Variants in MROH6 observed in about 807,000 individuals in gnomAD.
MROH6 encodes maestro heat like repeat family member 6.
A neutral mutation model predicts 67.7 loss-of-function variants in MROH6; 62 were observed. The ratio of observed to expected loss-of-function variants is 0.92; its 90% CI spans 0.75 to 1.13. The LOEUF is 1.13. Ranked by LOEUF, MROH6 falls within the 50% of genes most tolerant of loss-of-function variation. MROH6 has a pLI of 0.00. For missense variants in MROH6, 1,175 were observed against 1,029.1 expected (o/e 1.14, Z -1.94); for synonymous variants, 566 against 470.8 (o/e 1.20, Z -2.62).
chr8:143,567,992 G>T, intron 11 of MROH6, 104 bp from the exon 12 acceptor site: 1 of 1,430,266 alleles, frequency 7.0e-7, no homozygotes. Flanking sequence ...AGCCCCCAGG[G>T]CAGGTGGCAT....
intron 1 of MROH6, 105 bp from the exon 2 acceptor site, chr8:143,572,290 T>A: frequency 6.5e-7 from 1 of 1,535,360 alleles, no homozygotes; most frequent in Non-Finnish European, 8.8e-7. Flanking sequence ...CTTGCTCCTC[T>A]GTTGCTCACC....
Position 143,569,507 on chromosome 8 carries a change from C to T in MROH6, c.1410G>A (p.Arg470=), listed in dbSNP as rs773872901. ...ALGALRRLLL[R]PRAPVRLLSA... Reference sequence around the variant, plus strand: ...TCAGGAGCCGCACAGGCGCCCGGGGCCGCAGCAGGAGCCTCCTCAGGGCGC... The same window carrying T: ...TCAGGAGCCGCACAGGCGCCCGGGGTCGCAGCAGGAGCCTCCTCAGGGCGC... Residue 470 remains arginine (R), a synonymous_variant, in exon 9 of 14, where the codon CGG becomes CGA. Transcript: ENST00000398882. The T allele has an allele frequency of 6.7e-7, 1 of 1,488,956 alleles. No homozygotes were observed. The highest frequency in any genetic ancestry group is 8.9e-7 in the Non-Finnish European group (1 of 1,128,908). 92.2% of individuals were successfully genotyped at this position (1,488,956 alleles called of 1,614,324 possible). A position where few individuals can be genotyped will look rare whatever the true frequency, so the allele number is the denominator to read the frequency against.
chr8:143,567,317 T>C lies in MROH6; in HGVS notation c.2082A>G (p.Pro694=). 3 of 1,218,784 alleles carry C rather than the reference T, an allele frequency of 2.5e-6. No homozygotes were observed. The highest frequency in any genetic ancestry group is 3.1e-6 in the Non-Finnish European group (3 of 979,906). The allele number at this position is 1,218,784 out of a possible 1,614,324, so 75.5% of individuals were successfully genotyped here. The part of the protein sequence containing the change: ...LRIAPRPARP[P]PVFADSPFQR... ...GGAAGGGGCTGTCGGCGAAGACTGG[T>C]GGGGGCCGGGCGGGGCGCGGGGCGA... Residue 694 remains proline (P), a synonymous_variant, in exon 14 of 14, where the codon CCA becomes CCG. Transcript: ENST00000398882.
chr8:143,570,023 G>C lies in MROH6; in HGVS notation c.1086C>G (p.Phe362Leu). ...AHADHHLRGLFADLLPRLRSA... is the reference protein window; with the variant it reads ...AHADHHLRGLLADLLPRLRSA... ...TGCGAAGCCGAGGGAGCAAGTCTGC[G>C]AAGAGGCCTCGCAGGTGGTGGTCGG... Residue 362 changes from phenylalanine (F) to leucine (L), a missense_variant, in exon 7 of 14, where the codon TTC becomes TTG. Physicochemically the swap from Phe to Leu is conservative, Grantham distance 22 (BLOSUM62 0). Transcript: ENST00000398882. The C allele has an allele frequency of 6.2e-7, 1 of 1,612,972 alleles. No homozygotes were observed. Among genetic ancestry groups the C allele is most frequent in the Non-Finnish European group, 8.5e-7 (1 of 1,179,854 alleles).
In MROH6 at chr8:143,570,901, C is replaced by T. The variant is rs1407200231; in HGVS notation, c.696G>A (p.Ser232=). The T allele has an allele frequency of 5.8e-6, 9 of 1,547,884 alleles. No individual in the cohort carries two copies. Among genetic ancestry groups the T allele is most frequent in the East Asian group, 2.4e-5 (1 of 40,926 alleles). The change falls in exon 4 of 14, where the codon TCG becomes TCA. Residue 232 remains serine (S), a synonymous_variant. Transcript: ENST00000398882. The part of the protein sequence containing the change: ...VQLLWALKGA[S]GPEPQALAAT... The stretch of plus-strand genomic sequence containing the variant: ...CCGCCAGTGCCTGGGGCTCCGGCCC[C>T]GAAGCACCCTTCAGCGCCCACAGCA...
At chr8:143,569,863 G>A (rs375809098) in intron 7 of MROH6, 23 bp from the exon 8 acceptor site, 14 of 1,609,550 alleles carry the variant, frequency 8.7e-6, no homozygotes, top group Non-Finnish European at 1.2e-5. Context: ...CATGGGGTCA[G>A]CACGCCCGCG....
At chr8:143,569,336 G>T (rs1271403090) in intron 9 of MROH6, 105 bp downstream of exon 9, 2 of 935,726 alleles carry the variant, frequency 2.1e-6, no homozygotes, top group Non-Finnish European at 2.9e-6. Context: ...GAGAGGGCGG[G>T]GCCTGGGCGG....
chr8:143,567,169 G>T lies in MROH6; in HGVS notation c.*70C>A. ...AGGCCCAGGGAGCCCCTCCGTCAGGGCGGGGACAGGCTGCTATGCGCGTGG... is the reference window on the plus strand; with the variant it reads ...AGGCCCAGGGAGCCCCTCCGTCAGGTCGGGGACAGGCTGCTATGCGCGTGG... On this transcript the variant is annotated 3_prime_UTR_variant, in exon 14 of 14. Coordinates refer to ENST00000398882, the MANE Select transcript of MROH6 (RefSeq NM_001100878.2). 1 of 891,384 alleles carries T rather than the reference G, an allele frequency of 1.1e-6. No individual in the cohort carries two copies. The allele number at this position is 891,384 out of a possible 1,614,324, so 55.2% of individuals were successfully genotyped here. A position where few individuals can be genotyped will look rare whatever the true frequency, so the allele number is the denominator to read the frequency against.
rs1309564954 is a variant in MROH6, at chr8:143,571,671, C to A, written c.598G>T (p.Asp200Tyr). ...CALLPRSLPA[D>Y]RVAAELWRSL... is the part of the protein sequence containing the mutation. The stretch of plus-strand genomic sequence containing the variant: ...GGGCCAGGACGGTTGGGTTACCGAT[C>A]GGCGGGCAGAGAGCGGGGTAGCAGC... The change falls in exon 3 of 14, where the codon GAT becomes TAT. Residue 200 changes from aspartate to tyrosine, a missense_variant. Asp to Tyr is a radical substitution (Grantham distance 160). Coordinates refer to ENST00000398882, the MANE Select transcript of MROH6 (RefSeq NM_001100878.2). The A allele has an allele frequency of 3.9e-6, 6 of 1,557,046 alleles. No homozygotes were observed. In the Admixed American group the frequency reaches 5.8e-5, roughly 15 times the overall value.
intron 3 of MROH6, 41 bp downstream of exon 3, chr8:143,571,624 AGG>A: frequency 6.4e-7 from 1 of 1,550,444 alleles, no homozygotes; most frequent in Non-Finnish European, 8.7e-7. Context: ...GGAAGAGGGA[AGG>A]AAGCCGCGTG....
At chr8:143,570,797 A>G in intron 4 of MROH6, 80 bp downstream of exon 4, 12 of 1,418,058 alleles carry the variant, frequency 8.5e-6, no homozygotes, top group Non-Finnish European at 1.0e-5. Context: ...CTAGGTGCAA[A>G]CTCCCTATGC....
In MROH6 at chr8:143,572,574, G is replaced by C; in HGVS notation, c.141C>G (p.Ser47=). The part of the protein sequence containing the change: ...GPPSAGPQPK[S]WEVKPEAEPQ... Reference sequence around the variant, plus strand: ...GCTCAGCCTCAGGTTTGACCTCCCAGGACTTGGGCTGAGGGCCTGCGGAAG... The same window carrying C: ...GCTCAGCCTCAGGTTTGACCTCCCACGACTTGGGCTGAGGGCCTGCGGAAG... Residue 47 remains serine, a synonymous_variant, in exon 1 of 14, where the codon TCC becomes TCG. Coordinates refer to ENST00000398882, the MANE Select transcript of MROH6 (RefSeq NM_001100878.2). 6.2e-7 allele frequency: 1 copy of C among 1,605,574 alleles called. No individual in the cohort carries two copies. The highest frequency in any genetic ancestry group is 8.5e-7 in the Non-Finnish European group (1 of 1,177,522).
rs1393303762 is a variant in MROH6, at chr8:143,567,332, G to C, written c.2067C>G (p.Arg689=). 8.2e-7 allele frequency: 1 copy of C among 1,219,502 alleles called. No individual in the cohort carries two copies. 75.5% of individuals were successfully genotyped at this position (1,219,502 alleles called of 1,614,324 possible). A position where few individuals can be genotyped will look rare whatever the true frequency, so the allele number is the denominator to read the frequency against. ...CGAAGACTGGTGGGGGCCGGGCGGG[G>C]CGCGGGGCGATGCGGAGAAGGCGGG... is the stretch of plus-strand genomic sequence containing the variant. The part of the protein sequence containing the change: ...RGPRLLRIAP[R]PARPPPVFAD... Residue 689 remains arginine, a synonymous_variant, in exon 14 of 14, where the codon CGC becomes CGG. Coordinates refer to ENST00000398882, the MANE Select transcript of MROH6 (RefSeq NM_001100878.2).
At chr8:143,572,263 G>A (rs1824096159) in intron 1 of MROH6, 78 bp from the exon 2 acceptor site, 2 of 1,568,030 alleles carry the variant, frequency 1.3e-6, no homozygotes, top group South Asian at 2.4e-5. Context: ...CCTCCCACCT[G>A]GCTTCCTACA....
At position 143,570,309 on chromosome 8, in the gene MROH6, T is replaced by C. The variant is rs777474520; in HGVS notation, c.977A>G (p.Gln326Arg). The part of the protein sequence containing the change: ...GGRMVVTCME[Q>R]AGGWRRLVGA... ...CACCAGCCTCCTCCAGCCTCCTGCCTGCTCCATGCACGTGACCACCATGCG... is the reference window on the plus strand; with the variant it reads ...CACCAGCCTCCTCCAGCCTCCTGCCCGCTCCATGCACGTGACCACCATGCG... The change falls in exon 6 of 14, where the codon CAG (glutamine) becomes CGG (arginine). Residue 326 changes from glutamine to arginine, a missense_variant. By Grantham distance (43) the Gln-to-Arg change is conservative. Coordinates refer to ENST00000398882, the MANE Select transcript of MROH6 (RefSeq NM_001100878.2). 40 of 1,609,228 alleles carry C rather than the reference T, an allele frequency of 2.5e-5. No homozygotes were observed. Among genetic ancestry groups the C allele is most frequent in the Non-Finnish European group, 3.3e-5 (39 of 1,179,568 alleles).
intron 11 of MROH6, 43 bp downstream of exon 11, chr8:143,568,099 G>A (rs780956659): frequency 2.1e-5 from 32 of 1,558,136 alleles, no homozygotes; most frequent in Non-Finnish European, 2.5e-5. Flanking sequence ...CAAGTGGGCT[G>A]CTGATCATAC....
chr8:143,571,567 G>T (rs1333519275), intron 3 of MROH6, 100 bp downstream of exon 3: 1 of 1,461,866 alleles, frequency 6.8e-7, no homozygotes, highest in Non-Finnish European at 9.2e-7. Context: ...AGGAGGCCCT[G>T]CCCCTTTTCA....
Position 143,569,677 on chromosome 8 carries a change from C to G in MROH6, c.1302+20G>C, listed in dbSNP as rs754901415. ...CGCGACCGGGCCAAGCCCCTCTCCA[C>G]CCCTCCCCTTCTCTCACACCTTCCT... On this transcript the variant is annotated intron_variant, in intron 8 of 13. Transcript: ENST00000398882. 8 of 1,610,526 alleles carry G rather than the reference C, an allele frequency of 5.0e-6. No homozygotes were observed. The Admixed American group carries it at 1.3e-4, about 27-fold the overall frequency.
rs1823953846 is a variant in MROH6 at position 143,570,461 on chromosome 8, G to A, written c.905+12C>T. 1.9e-6 allele frequency: 3 copies of A among 1,582,400 alleles called. No individual in the cohort carries two copies. The highest frequency in any genetic ancestry group is 2.6e-6 in the Non-Finnish European group (3 of 1,160,986). ...GCTGGCCCGCCCCACGTAACCTGGT[G>A]TTGCCTCTCACCTGGCATGGCTATG... On this transcript the variant is annotated intron_variant, in intron 5 of 13. Coordinates refer to ENST00000398882, the MANE Select transcript of MROH6 (RefSeq NM_001100878.2).
Sources: allele counts gnomAD v4.1 joint callset, GRCh38; gene constraint gnomAD v4.1.1; transcripts MANE v1.5; gene names NCBI Gene and HGNC (gene_info 2026-07-23, HGNC 2026-07-21).